Variants in OR9Q1 observed in about 807,000 individuals in gnomAD.
OR9Q1 encodes the protein olfactory receptor 9Q1.
For synonymous variants in OR9Q1, 153 were observed against 148.6 expected, an observed-to-expected ratio of 1.03 and a Z score of -0.22; for missense variants, 374 against 378.8, an observed-to-expected ratio of 0.99 and a Z score of 0.11.
intron 2 of OR9Q1, among the ~76,000 whole-genome samples, chr11:58,114,832 C>G (rs1853935368): frequency 6.6e-6 from 1 of 152,274 alleles, no homozygotes; most frequent in African/African-American, 2.4e-5. Context: ...CCAATGCCAG[C>G]TAGAGGTTGT....
At chr11:58,128,871 A>G (rs913181299) in intron 2 of OR9Q1, among the ~76,000 whole-genome samples, 3 of 152,220 alleles carry the variant, frequency 2.0e-5, no homozygotes, top group South Asian at 2.1e-4. Flanking sequence ...ATGTCAAAAC[A>G]TCACATAAAA....
At chr11:58,043,243 G>A (rs983920314) in intron 1 of OR9Q1, among the ~76,000 whole-genome samples, 4 of 152,008 alleles carry the variant, frequency 2.6e-5, no homozygotes, top group Non-Finnish European at 4.4e-5. Context: ...AGCTTCATTC[G>A]GTGGAAACTT....
At chr11:58,061,281 C>T (rs1216324270) in intron 2 of OR9Q1, among the ~76,000 whole-genome samples, 1 of 152,164 alleles carries the variant, frequency 6.6e-6, no homozygotes, top group Admixed American at 6.6e-5. Context: ...ACACAGAGGA[C>T]GTGGGAGCCA....
At chr11:58,088,576 C>T (rs113711395) in intron 2 of OR9Q1, among the ~76,000 whole-genome samples, 2,478 of 151,916 alleles carry the variant, frequency 0.016, 108 homozygotes, top group African/African-American at 0.054. Context: ...TGACCAGTGA[C>T]GATGAGCTTT....
chr11:58,158,772 G>A (rs2119918455), intron 2 of OR9Q1, among the ~76,000 whole-genome samples: 1 of 152,264 alleles, frequency 6.6e-6, no homozygotes, highest in Admixed American at 6.5e-5. Context: ...TTTCTAAGGG[G>A]CTGGACTTGT....
intron 2 of OR9Q1, among the ~76,000 whole-genome samples, chr11:58,090,132 C>A (rs949241632): frequency 6.6e-6 from 1 of 152,134 alleles, no homozygotes; most frequent in Non-Finnish European, 1.5e-5. Flanking sequence ...TTTCAATACC[C>A]CTTATTTCTT....
intron 2 of OR9Q1, among the ~76,000 whole-genome samples, chr11:58,100,062 T>C (rs1367910034): frequency 6.6e-6 from 1 of 152,114 alleles, no homozygotes; most frequent in African/African-American, 2.4e-5. Context: ...CAAAGCTAGG[T>C]GGGCTGGGTT....
At chr11:58,148,290 G>C (rs1854318310) in intron 2 of OR9Q1, among the ~76,000 whole-genome samples, 1 of 151,856 alleles carries the variant, frequency 6.6e-6, no homozygotes, top group Non-Finnish European at 1.5e-5. Flanking sequence ...CGTAATCTAG[G>C]GCCTTTGGCA....
At chr11:58,172,958 A>G (rs1207849177) in intron 2 of OR9Q1, among the ~76,000 whole-genome samples, 2 of 152,136 alleles carry the variant, frequency 1.3e-5, no homozygotes, top group Non-Finnish European at 2.9e-5. Context: ...CTTTCCCCAT[A>G]TGCCCCAATA....
intron 1 of OR9Q1, chr11:58,045,464 C>T (rs1374558459): frequency 6.6e-6 from 1 of 152,208 alleles, no homozygotes; most frequent in African/African-American, 2.4e-5. Context: ...GAACTCCTGA[C>T]CTCAAATGAT....
At chr11:58,178,648 G>T (rs1854627092) in intron 2 of OR9Q1, among the ~76,000 whole-genome samples, 1 of 151,932 alleles carries the variant, frequency 6.6e-6, no homozygotes, top group African/African-American at 2.4e-5. Context: ...GTCAACACTT[G>T]GTGGAGCAAT....
chr11:58,160,113 G>T (rs1280979699), intron 2 of OR9Q1, among the ~76,000 whole-genome samples: 1 of 152,176 alleles, frequency 6.6e-6, no homozygotes, highest in Non-Finnish European at 1.5e-5. Flanking sequence ...ACATGAAGAG[G>T]CCATGTGTGG....
chr11:58,105,629 C>A (rs1028158722), intron 2 of OR9Q1, among the ~76,000 whole-genome samples: 4 of 152,076 alleles, frequency 2.6e-5, no homozygotes, highest in African/African-American at 9.7e-5. Flanking sequence ...AACTTCATAT[C>A]CATTTTCCCT....
chr11:58,097,496 T>A (rs1853743346), intron 2 of OR9Q1, among the ~76,000 whole-genome samples: 1 of 152,232 alleles, frequency 6.6e-6, no homozygotes, highest in Non-Finnish European at 1.5e-5. Flanking sequence ...AACTCTCTAT[T>A]GTTGTTGTAA....
At chr11:58,090,160 C>T (rs1565073424) in intron 2 of OR9Q1, among the ~76,000 whole-genome samples, 1 of 152,160 alleles carries the variant, frequency 6.6e-6, no homozygotes. Flanking sequence ...TCTGATTGCG[C>T]TGGTCAGAAC....
At chr11:58,153,300 T>C (rs1854372158) in intron 2 of OR9Q1, among the ~76,000 whole-genome samples, 1 of 152,078 alleles carries the variant, frequency 6.6e-6, no homozygotes, top group Non-Finnish European at 1.5e-5. Flanking sequence ...GCTTTTAGAG[T>C]TTAAGAAAGA....
chr11:58,106,385 T>C (rs1374179587), intron 2 of OR9Q1, among the ~76,000 whole-genome samples: 1 of 152,108 alleles, frequency 6.6e-6, no homozygotes, highest in East Asian at 1.9e-4. Context: ...CGATATATAT[T>C]TTAGCAATTA....
chr11:58,066,794 C>A (rs1853434233), intron 2 of OR9Q1, among the ~76,000 whole-genome samples: 1 of 152,088 alleles, frequency 6.6e-6, no homozygotes, highest in South Asian at 2.1e-4. Flanking sequence ...CCTCCTGGGC[C>A]CACACCCCAT....
intron 1 of OR9Q1, among the ~76,000 whole-genome samples, chr11:58,035,828 T>C (rs1002761515): frequency 8.3e-6 from 1 of 120,806 alleles, no homozygotes; most frequent in Non-Finnish European, 1.9e-5. Context: ...GCAAAAACAA[T>C]GCAGAGGTGA....
Sources: gnomAD v4.1 joint callset for allele counts (sites outside exome capture counted in the v4.1 genomes callset) on GRCh38, gnomAD v4.1.1 for gene constraint, MANE v1.5 for transcripts, NCBI Gene and HGNC (gene_info 2026-07-23, HGNC 2026-07-21) for gene names.